The following SH3GL3 variants were observed in gnomAD, a reference collection of about 807,000 sequenced individuals.
SH3GL3 encodes endophilin-A3.
Under a neutral mutation model 47.7 loss-of-function variants are expected in SH3GL3, and 33 were observed. The ratio of observed to expected loss-of-function variants is 0.69; its 90% CI spans 0.52 to 0.92. The LOEUF (loss-of-function observed/expected upper bound fraction) is 0.92. SH3GL3 is among the 40% of genes least tolerant of loss of function. SH3GL3 has a pLI of 0.00. For synonymous variants in SH3GL3, 155 were observed against 148.8 expected, an observed-to-expected ratio of 1.04 and a Z score of -0.30; for missense variants, 363 against 417.8, an observed-to-expected ratio of 0.87 and a Z score of 1.14.
chr15:83,521,793 G>C (rs1274047055), intron 1 of SH3GL3, among the ~76,000 whole-genome samples: 1 of 152,200 alleles, frequency 6.6e-6, no homozygotes, highest in Non-Finnish European at 1.5e-5. Flanking sequence ...ACTGTGGCCC[G>C]TGGGTCAGTT....
At chr15:83,464,751 A>G (rs1184340297) in intron 1 of SH3GL3, among the ~76,000 whole-genome samples, 1 of 152,068 alleles carries the variant, frequency 6.6e-6, no homozygotes, top group Non-Finnish European at 1.5e-5. Context: ...CATCTCTGCT[A>G]CTATCACCTT....
chr15:83,615,543 C>T lies in SH3GL3; in HGVS notation c.839-2539C>T, dbSNP rs182671178. ...GCCAGGGTGGTCTCAAACTCCTGGCCTCAAGTGAACTGCCCGCCTTGGCCT... is the reference window on the plus strand; with the variant it reads ...GCCAGGGTGGTCTCAAACTCCTGGCTTCAAGTGAACTGCCCGCCTTGGCCT... On this transcript the variant is annotated intron_variant, in intron 8 of 8. Coordinates refer to ENST00000427482, the MANE Select transcript of SH3GL3 (RefSeq NM_003027.5). Among the ~76,000 whole-genome samples the T allele has an allele frequency of 1.1e-3, 166 of 152,248 alleles. 1 individual carries two copies. The highest frequency in any genetic ancestry group is 2.2e-3 in the Admixed American group (33 of 15,300).
chr15:83,592,347 C>T (rs182885715), intron 8 of SH3GL3, among the ~76,000 whole-genome samples: 10 of 152,212 alleles, frequency 6.6e-5, no homozygotes, highest in Admixed American at 2.0e-4. Context: ...AAATGCACTC[C>T]TCCCCTTTTT....
intron 1 of SH3GL3, among the ~76,000 whole-genome samples, chr15:83,536,677 CA>C (rs1178550302): frequency 6.6e-6 from 1 of 152,082 alleles, no homozygotes. Context: ...TGTAAGCCAC[CA>C]TGCCCAGCCA....
At chr15:83,486,945 G>T (rs1192148772) in intron 1 of SH3GL3, among the ~76,000 whole-genome samples, 1 of 151,644 alleles carries the variant, frequency 6.6e-6, no homozygotes, top group Non-Finnish European at 1.5e-5. Context: ...TAAGCACACC[G>T]GCCCCATCAT....
intron 1 of SH3GL3, among the ~76,000 whole-genome samples, chr15:83,507,000 G>T (rs532464323): frequency 6.6e-6 from 1 of 151,398 alleles, no homozygotes; most frequent in East Asian, 1.9e-4. Flanking sequence ...TTGAAACCCT[G>T]TTTTTGTGTA....
At chr15:83,498,724 C>G (rs1007839257) in intron 1 of SH3GL3, among the ~76,000 whole-genome samples, 5 of 152,170 alleles carry the variant, frequency 3.3e-5, no homozygotes, top group African/African-American at 9.7e-5. Flanking sequence ...CTCTCCTGCT[C>G]CAGGCCATCT....
At chr15:83,524,088 G>A (rs1398049818) in intron 1 of SH3GL3, among the ~76,000 whole-genome samples, 1 of 152,150 alleles carries the variant, frequency 6.6e-6, no homozygotes, top group Admixed American at 6.5e-5. Context: ...TGCAGTATTA[G>A]GAAGTGAATA....
In SH3GL3 at chr15:83,447,724, T is replaced by G. The variant is rs2039506965; in HGVS notation, c.45+146T>G. On this transcript the variant is annotated intron_variant, in intron 1 of 8. Transcript: ENST00000427482. This position sits in a 1 kb window ranked among gnomAD's most constrained non-coding sequence, Gnocchi z 5.1. ...CGCCTAGGAGGGCGCGAGGGTGGGG[T>G]GAGGGGCCGCCTGCTCTCTCCTCGG... 9.6e-6 allele frequency: 5 copies of G among 522,102 alleles called. No individual in the cohort carries two copies. The highest frequency in any genetic ancestry group is 1.6e-5 in the Non-Finnish European group (5 of 307,270). 32.3% of individuals were successfully genotyped at this position (522,102 alleles called of 1,614,324 possible).
At chr15:83,451,026 A>G (rs1354268225) in intron 1 of SH3GL3, among the ~76,000 whole-genome samples, 17 of 121,162 alleles carry the variant, frequency 1.4e-4, no homozygotes, top group African/African-American at 2.5e-4. Context: ...TCATTGTTCA[A>G]TTCCCACCTA....
In SH3GL3 at chr15:83,477,446, C is replaced by CT. The variant is rs146994628; in HGVS notation, c.45+29871dup. Among the ~76,000 whole-genome samples, 337 of 152,232 alleles carry CT rather than the reference C, an allele frequency of 2.2e-3. 2 individuals are homozygous for CT. Among genetic ancestry groups the CT allele is most frequent in the African/African-American group, 7.8e-3 (322 of 41,534 alleles). On this transcript the variant is annotated intron_variant, in intron 1 of 8. Coordinates refer to ENST00000427482, the MANE Select transcript of SH3GL3 (RefSeq NM_003027.5). The stretch of plus-strand genomic sequence containing the variant: ...GGGGTGATGTCATTTTCATGTTTAT[C>CT]TTTCTTCTCTCACATGACTTAATCA...
chr15:83,591,008 T>G (rs918770525), intron 8 of SH3GL3, among the ~76,000 whole-genome samples: 2 of 152,052 alleles, frequency 1.3e-5, no homozygotes, highest in Non-Finnish European at 2.9e-5. Flanking sequence ...AATATTTTCT[T>G]TTCTTTTTCT....
At chr15:83,498,869 G>C (rs1455738899) in intron 1 of SH3GL3, among the ~76,000 whole-genome samples, 3 of 152,118 alleles carry the variant, frequency 2.0e-5, no homozygotes, top group Admixed American at 1.3e-4. Context: ...CCTAGCTCTA[G>C]CCATCTGGAG....
the SH3GL3 span, among the ~76,000 whole-genome samples, chr15:83,631,967 C>T: frequency 2.0e-5 from 3 of 152,176 alleles, no homozygotes; most frequent in African/African-American, 7.2e-5. Flanking sequence ...TGCTCTGCTT[C>T]CTCTTGAACG....
At chr15:83,603,944 G>T (rs1053325902) in intron 8 of SH3GL3, among the ~76,000 whole-genome samples, 1 of 152,170 alleles carries the variant, frequency 6.6e-6, no homozygotes, top group African/African-American at 2.4e-5. Flanking sequence ...AGACCAGCCT[G>T]ACCAACATGG....
chr15:83,505,350 G>A (rs529847317), intron 1 of SH3GL3, among the ~76,000 whole-genome samples: 30 of 151,894 alleles, frequency 2.0e-4, no homozygotes, highest in African/African-American at 6.3e-4. Flanking sequence ...TCTGCAGGAC[G>A]TGAAAGTTCC....
intron 1 of SH3GL3, among the ~76,000 whole-genome samples, chr15:83,495,169 C>CTCTTTTCCTGGTACAGAGATAACA (rs2042031928): frequency 6.6e-6 from 1 of 152,138 alleles, no homozygotes; most frequent in Admixed American, 6.6e-5. Context: ...TAATCCCACC[C>CTCTTTTCCTGGTACAGAGATAACA]TCTTTTCCTG....
intron 1 of SH3GL3, among the ~76,000 whole-genome samples, chr15:83,493,573 C>CA (rs1175475611): frequency 6.6e-6 from 1 of 152,160 alleles, no homozygotes; most frequent in East Asian, 1.9e-4. Flanking sequence ...TCCTCCATTG[C>CA]ATCCATCCAT....
intron 1 of SH3GL3, among the ~76,000 whole-genome samples, chr15:83,486,090 A>G (rs2041583251): frequency 6.6e-6 from 1 of 152,140 alleles, no homozygotes; most frequent in South Asian, 2.1e-4. Flanking sequence ...ACATCTAACA[A>G]TGATTTTTTA....
Sources: gnomAD v4.1 joint callset for allele counts (sites outside exome capture counted in the v4.1 genomes callset) on GRCh38, gnomAD v4.1.1 for gene constraint, Gnocchi (gnomAD v3.1) non-coding constraint, MANE v1.5 for transcripts, NCBI Gene and HGNC (gene_info 2026-07-23, HGNC 2026-07-21) for gene names.